Variants in THRAP3 observed in about 807,000 individuals in gnomAD.
THRAP3 encodes thyroid hormone receptor associated protein 3, also known as thyroid hormone receptor-associated protein 3.
Under a neutral mutation model 101.0 loss-of-function variants are expected in THRAP3, and 16 were observed. That is an observed-to-expected ratio of 0.16 (90% CI 0.11 to 0.24). The LOEUF is 0.24. Among genes scored for constraint, THRAP3 ranks in the 10% least tolerant of loss-of-function variants. The pLI is 1.00. For missense variants in THRAP3, 989 were observed against 1,202.7 expected, an observed-to-expected ratio of 0.82 and a Z score of 2.63; for synonymous variants, 407 against 422.6, an observed-to-expected ratio of 0.96 and a Z score of 0.45.
rs1008313717 is a variant in THRAP3 at position 36,240,077 on chromosome 1, A to G, written c.-135+15572A>G. On this transcript the variant is annotated intron_variant, in intron 1 of 11. Transcript: ENST00000354618. ...CACATAAGAACAGCTTGTAACAGAA[A>G]TTCATCAACCCCCCTACATTAAGGT... 1.3e-3 allele frequency among the ~76,000 whole-genome samples: 201 copies of G among 152,316 alleles called. 2 individuals carry two copies. Among genetic ancestry groups the G allele is most frequent in the Non-Finnish European group, 1.5e-3 (99 of 68,032 alleles).
intron 9 of THRAP3, among the ~76,000 whole-genome samples, chr1:36,298,671 T>A (rs887804220): frequency 1.6e-4 from 24 of 152,110 alleles, no homozygotes; most frequent in African/African-American, 5.6e-4. Flanking sequence ...GGCTAATTTT[T>A]AAAAATTTTT....
chr1:36,288,965 T>C (rs1645830139), intron 4 of THRAP3, 95 bp from the exon 5 acceptor site: 2 of 1,391,360 alleles, frequency 1.4e-6, no homozygotes, highest in Non-Finnish European at 9.3e-7. Flanking sequence ...GACATGTTTT[T>C]TTCAGAGAAT....
chr1:36,259,039 T>G (rs549373021), intron 1 of THRAP3, among the ~76,000 whole-genome samples: 1 of 152,380 alleles, frequency 6.6e-6, no homozygotes, highest in South Asian at 2.1e-4. Context: ...TGTTCATTGC[T>G]TTCTTATTTT....
At chr1:36,214,784 G>C in the THRAP3 span, among the ~76,000 whole-genome samples, 1 of 151,692 alleles carries the variant, frequency 6.6e-6, no homozygotes, top group East Asian at 1.9e-4. Flanking sequence ...GCTTGAACCC[G>C]GGAGGTGGAG....
Position 36,286,859 on chromosome 1 carries a change from C to T in THRAP3, c.629C>T (p.Thr210Ile), listed in dbSNP as rs753076474. ...AAGGAGCAGACATTCTCTGGAGGCA[C>T]CTCTCAAGATACAAAAGCATCTGAG... ...EAKEQTFSGG[T>I]SQDTKASESS... The change falls in exon 4 of 12, where the codon ACC becomes ATC. Residue 210 changes from threonine to isoleucine, a missense_variant. Coordinates refer to ENST00000354618, the MANE Select transcript of THRAP3 (RefSeq NM_005119.4). The surrounding 1 kb of genome is among the most constrained non-coding windows in gnomAD (Gnocchi z 5.5). 3.7e-6 allele frequency: 6 copies of T among 1,614,120 alleles called. No homozygotes were observed. In the South Asian group the frequency reaches 5.5e-5, roughly 15 times the overall value.
chr1:36,288,846 A>C, intron 4 of THRAP3: 1 of 985,326 alleles, frequency 1.0e-6, no homozygotes, highest in Non-Finnish European at 1.2e-6. Flanking sequence ...TCCATGGATC[A>C]TATATTTTTC....
chr1:36,256,460 C>G (rs1232745937), intron 1 of THRAP3, among the ~76,000 whole-genome samples: 2 of 151,810 alleles, frequency 1.3e-5, no homozygotes, highest in African/African-American at 2.4e-5. Flanking sequence ...CTCCTGACCT[C>G]GTGATCCGCC....
rs189798470 is a variant in THRAP3 at position 36,274,141 on chromosome 1, A to G, written c.-31-8392A>G. ...TGAGCTGTATTTCTATACAGTAGCA[A>G]TGAACAATAAGAAAATGAAATTGTT... On this transcript the variant is annotated intron_variant, in intron 2 of 11. Transcript: ENST00000354618. Among the ~76,000 whole-genome samples, 9 of 152,062 alleles carry G rather than the reference A, an allele frequency of 5.9e-5. No individual in the cohort carries two copies. In the East Asian group the frequency reaches 1.5e-3, roughly 26 times the overall value.
intron 1 of THRAP3, among the ~76,000 whole-genome samples, chr1:36,244,779 G>T (rs1475948283): frequency 6.6e-6 from 1 of 151,088 alleles, no homozygotes; most frequent in Non-Finnish European, 1.5e-5. Context: ...GTGCAGTGGC[G>T]CAATCTCAGC....
intron 2 of THRAP3, 92 bp from the exon 3 acceptor site, chr1:36,282,441 A>G (rs1645744686): frequency 1.0e-6 from 1 of 958,074 alleles, no homozygotes; most frequent in Non-Finnish European, 1.5e-6. Context: ...CAAGTTGCCC[A>G]GATTAAAAGA....
chr1:36,256,105 C>T (rs894030110), intron 1 of THRAP3, among the ~76,000 whole-genome samples: 1 of 151,862 alleles, frequency 6.6e-6, no homozygotes, highest in Non-Finnish European at 1.5e-5. Context: ...CAGCCTCTGT[C>T]TCTTGGGCTC....
At chr1:36,228,166 G>A (rs1644983927) in intron 1 of THRAP3, among the ~76,000 whole-genome samples, 1 of 150,766 alleles carries the variant, frequency 6.6e-6, no homozygotes, top group South Asian at 2.1e-4. Flanking sequence ...CCCTGCCTTA[G>A]CCTCCTGAGT....
chr1:36,282,025 A>G (rs1645737744), intron 2 of THRAP3, among the ~76,000 whole-genome samples: 1 of 152,062 alleles, frequency 6.6e-6, no homozygotes, highest in Admixed American at 6.6e-5. Context: ...GTGAGCTGAG[A>G]TTAAGCCATT....
At chr1:36,250,666 C>G (rs1229272299) in intron 1 of THRAP3, among the ~76,000 whole-genome samples, 1 of 151,030 alleles carries the variant, frequency 6.6e-6, no homozygotes, top group Non-Finnish European at 1.5e-5. Flanking sequence ...AATCCCAGCA[C>G]TTTGGGAGGC....
chr1:36,214,051 A>G, the THRAP3 span, among the ~76,000 whole-genome samples: 539 of 126,788 alleles, frequency 4.3e-3, 1 homozygote, highest in South Asian at 8.4e-3. Context: ...AGAAAGAAAG[A>G]AAGAAAGAAA....
chr1:36,246,518 C>T (rs1043769892), intron 1 of THRAP3, among the ~76,000 whole-genome samples: 3 of 151,808 alleles, frequency 2.0e-5, no homozygotes, highest in Non-Finnish European at 2.9e-5. Context: ...CAGGTGTGAG[C>T]GACTGTGCCC....
chr1:36,220,972 A>AAAAAAAAAAAAAATATATAT (rs1285765741), upstream of THRAP3, among the ~76,000 whole-genome samples: 1 of 94,146 alleles, frequency 1.1e-5, no homozygotes, highest in African/African-American at 4.7e-5. Flanking sequence ...AAAAAAAAAA[A>AAAAAAAAAAAAAATATATAT]ATATATATAT....
At chr1:36,232,165 G>A (rs1645035282) in intron 1 of THRAP3, among the ~76,000 whole-genome samples, 1 of 152,144 alleles carries the variant, frequency 6.6e-6, no homozygotes, top group African/African-American at 2.4e-5. Flanking sequence ...GCAGTGAGCT[G>A]AGGTTGTACC....
intron 1 of THRAP3, among the ~76,000 whole-genome samples, chr1:36,232,830 C>CGTG (rs1355588933): frequency 1.3e-5 from 2 of 149,972 alleles, no homozygotes; most frequent in African/African-American, 2.4e-5. Flanking sequence ...CTGTTTTGGT[C>CGTG]GTGGTGGTGG....
Sources: gnomAD v4.1 joint callset for allele counts (sites outside exome capture counted in the v4.1 genomes callset) on GRCh38, gnomAD v4.1.1 for gene constraint, Gnocchi (gnomAD v3.1) non-coding constraint, MANE v1.5 for transcripts, NCBI Gene and HGNC (gene_info 2026-07-23, HGNC 2026-07-21) for gene names.